The following PRH1 variants were observed in gnomAD, a reference collection of about 807,000 sequenced individuals.
PRH1 encodes the protein proline rich protein HaeIII subfamily 1.
In PRH1, 7 loss-of-function variants were observed where a neutral mutation model predicts 7.9. That is an observed-to-expected ratio of 0.89 (90% CI 0.50 to 1.67). The LOEUF is 1.67. Ranked by LOEUF, PRH1 falls within the 40% of genes most tolerant of loss-of-function variation. PRH1 has a pLI of 0.00. For missense variants in PRH1, 109 were observed against 223.6 expected (o/e 0.49, Z 3.27); for synonymous variants, 45 against 80.8 (o/e 0.56, Z 2.38).
intron 1 of PRH1, among the ~76,000 whole-genome samples, chr12:11,126,655 G>A (rs1418732211): frequency 7.2e-6 from 1 of 139,704 alleles, no homozygotes; most frequent in Non-Finnish European, 1.6e-5. Flanking sequence ...ATCAGATAAT[G>A]CCATACTCAA....
chr12:11,007,962 A>T (rs1433736411), intron 1 of PRH1, among the ~76,000 whole-genome samples: 1 of 152,130 alleles, frequency 6.6e-6, no homozygotes, highest in Non-Finnish European at 1.5e-5. Context: ...TCTTTTTAAA[A>T]TGATGCTAAA....
intron 1 of PRH1, among the ~76,000 whole-genome samples, chr12:11,142,454 C>G (rs569426747): frequency 3.0e-4 from 45 of 152,288 alleles, no homozygotes; most frequent in African/African-American, 9.6e-4. Flanking sequence ...TACTTCAAAG[C>G]TGCCCTAATC....
intron 3 of PRH1, among the ~76,000 whole-genome samples, chr12:10,881,868 T>C (rs1949405961): frequency 6.6e-6 from 1 of 152,210 alleles, no homozygotes; most frequent in African/African-American, 2.4e-5. Context: ...GAGGCAGGAC[T>C]GAGCAAAGCA....
chr12:11,057,019 T>C lies in PRH1; in HGVS notation n.124-9831A>G, dbSNP rs558229672. ...AAGAACTTTCACTTTTTTTTTTTTT[T>C]CTTCTTAGACAGAGTCTCCCTCTGT... On this transcript the variant is annotated intron_variant and non_coding_transcript_variant, in intron 1 of 4. Coordinates refer to the PRH1 transcript ENST00000541977. 3.4e-5 allele frequency among the ~76,000 whole-genome samples: 3 copies of C among 87,020 alleles called. No individual in the cohort carries two copies. In the Admixed American group the frequency reaches 3.9e-4, roughly 11 times the overall value. The allele number at this position is 87,020 out of a possible 152,430, so 57.1% of individuals were successfully genotyped here.
intron 1 of PRH1, chr12:11,061,934 A>T (rs1462462498): frequency 8.1e-6 from 13 of 1,613,872 alleles, no homozygotes; most frequent in African/African-American, 4.0e-5. Context: ...CTCCTCTTTA[A>T]GTGAAGAAAA....
intron 1 of PRH1, among the ~76,000 whole-genome samples, chr12:11,038,063 T>C (rs868830083): frequency 1.9e-4 from 29 of 152,322 alleles, no homozygotes; most frequent in Middle Eastern, 6.8e-3. Context: ...AGAAAAGTTT[T>C]AAATTTTAAT....
chr12:11,142,070 G>A (rs1313006377), intron 1 of PRH1, among the ~76,000 whole-genome samples: 1 of 152,102 alleles, frequency 6.6e-6, no homozygotes, highest in Non-Finnish European at 1.5e-5. Flanking sequence ...TTGGATACAG[G>A]CATGAACAAC....
chr12:10,972,928 A>AT (rs1555119295), intron 2 of PRH1, among the ~76,000 whole-genome samples: 5 of 100,394 alleles, frequency 5.0e-5, no homozygotes, highest in African/African-American at 1.1e-4. Flanking sequence ...AAGCACCACA[A>AT]CCCACCCCCC....
intron 1 of PRH1, among the ~76,000 whole-genome samples, chr12:11,070,169 T>A (rs1944001258): frequency 6.6e-6 from 1 of 152,090 alleles, no homozygotes; most frequent in Non-Finnish European, 1.5e-5. Context: ...GGAGAGGCAA[T>A]TTCACAATAA....
intron 1 of PRH1, among the ~76,000 whole-genome samples, chr12:11,125,134 T>C (rs1458543027): frequency 6.6e-6 from 1 of 152,256 alleles, no homozygotes; most frequent in Non-Finnish European, 1.5e-5. Flanking sequence ...TGAGCCACCA[T>C]GCCCGGCACA....
intron 1 of PRH1, among the ~76,000 whole-genome samples, chr12:11,142,189 T>C (rs1946720352): frequency 6.6e-6 from 1 of 152,162 alleles, no homozygotes; most frequent in African/African-American, 2.4e-5. Context: ...CAAAATTATA[T>C]TTTCAATTCA....
chr12:11,049,997 T>C (rs1045759355), upstream of PRH1, among the ~76,000 whole-genome samples: 7 of 152,132 alleles, frequency 4.6e-5, no homozygotes, highest in African/African-American at 7.2e-5. Flanking sequence ...CAGGAGGTCA[T>C]CTAGGTGGAA....
intron 2 of PRH1, chr12:10,908,803 T>C (rs1949847735): frequency 6.2e-7 from 1 of 1,613,878 alleles, no homozygotes; most frequent in South Asian, 1.1e-5. Context: ...ATACTGAAAT[T>C]CCAAGTTGTG....
At chr12:10,985,856 A>C in intron 1 of PRH1, 1 of 1,252,676 alleles carries the variant, frequency 8.0e-7, no homozygotes, top group Non-Finnish European at 1.1e-6. Flanking sequence ...AAAAAACAGT[A>C]AAAAGTATAA....
intron 2 of PRH1, among the ~76,000 whole-genome samples, chr12:10,948,086 A>G (rs1950515114): frequency 6.6e-6 from 1 of 152,102 alleles, no homozygotes; most frequent in Non-Finnish European, 1.5e-5. Flanking sequence ...CAATCTTGGG[A>G]AATCTGATGA....
intron 1 of PRH1, among the ~76,000 whole-genome samples, chr12:11,139,036 T>C (rs1946634641): frequency 6.6e-6 from 1 of 152,220 alleles, no homozygotes; most frequent in Non-Finnish European, 1.5e-5. Context: ...CAAGACCCTG[T>C]CTCAAAATAA....
At chr12:11,069,325 C>T (rs1227351909) in intron 1 of PRH1, among the ~76,000 whole-genome samples, 1 of 152,034 alleles carries the variant, frequency 6.6e-6, no homozygotes, top group Non-Finnish European at 1.5e-5. Flanking sequence ...TGGATAATCA[C>T]CCTTACGCTT....
chr12:10,898,676 T>A (rs1035390333), intron 2 of PRH1, among the ~76,000 whole-genome samples: 2 of 151,936 alleles, frequency 1.3e-5, no homozygotes, highest in African/African-American at 4.8e-5. Context: ...GTAGAGAGGG[T>A]CAATAGAAAG....
chr12:10,915,476 G>A (rs1239518677), intron 2 of PRH1, among the ~76,000 whole-genome samples: 2 of 45,294 alleles, frequency 4.4e-5, no homozygotes, highest in African/African-American at 7.6e-5. Context: ...GAATTAAGTA[G>A]ACTAAAAAAT....
Sources: gnomAD v4.1 joint callset for allele counts (sites outside exome capture counted in the v4.1 genomes callset) on GRCh38, gnomAD v4.1.1 for gene constraint, MANE v1.5 for transcripts, NCBI Gene and HGNC (gene_info 2026-07-23, HGNC 2026-07-21) for gene names.